The following NELL1 variants were observed in gnomAD, a reference collection of about 807,000 sequenced individuals.
The protein encoded by NELL1 is neural EGFL like 1.
NELL1 carries 76 observed loss-of-function variants against 107.4 expected under a neutral mutation model. That is an observed-to-expected ratio of 0.71 (90% CI 0.59 to 0.86). The LOEUF is 0.86. NELL1 is among the 40% of genes least tolerant of loss of function. The pLI is 0.00. For missense variants in NELL1, 1,024 were observed against 1,005.5 expected (o/e 1.02, Z -0.25); for synonymous variants, 353 against 341.2 (o/e 1.03, Z -0.38).
chr11:21,196,923 G>C (rs1382831594), intron 13 of NELL1, among the ~76,000 whole-genome samples: 1 of 147,050 alleles, frequency 6.8e-6, no homozygotes, highest in Non-Finnish European at 1.5e-5. Flanking sequence ...CCAAGCTGGA[G>C]TGTAGTGGTG....
At chr11:21,255,492 A>G (rs1858745405) in intron 14 of NELL1, among the ~76,000 whole-genome samples, 1 of 151,954 alleles carries the variant, frequency 6.6e-6, no homozygotes, top group Admixed American at 6.6e-5. Context: ...TTAGAATGCA[A>G]TTTGGCAAGA....
intron 12 of NELL1, among the ~76,000 whole-genome samples, chr11:20,990,407 C>T (rs1374070870): frequency 6.6e-6 from 1 of 152,222 alleles, no homozygotes; most frequent in Admixed American, 6.5e-5. Flanking sequence ...TTACCTTTCA[C>T]AGTGCCCACT....
intron 2 of NELL1, among the ~76,000 whole-genome samples, chr11:20,712,915 G>T (rs1055191856): frequency 6.6e-6 from 1 of 152,200 alleles, no homozygotes; most frequent in Admixed American, 6.5e-5. Context: ...GGAGTCCTTG[G>T]TTGTAAATAT....
At chr11:20,736,381 G>A (rs1410312302) in intron 2 of NELL1, among the ~76,000 whole-genome samples, 1 of 152,146 alleles carries the variant, frequency 6.6e-6, no homozygotes, top group Non-Finnish European at 1.5e-5. Flanking sequence ...CAACCTGTCA[G>A]TGCACAAGTG....
At chr11:21,296,097 C>T (rs1367298196) in intron 14 of NELL1, among the ~76,000 whole-genome samples, 1 of 151,942 alleles carries the variant, frequency 6.6e-6, no homozygotes, top group Non-Finnish European at 1.5e-5. Flanking sequence ...TATGTCTAAA[C>T]ACAAGGTTAC....
chr11:20,713,607 A>G (rs1185746953), intron 2 of NELL1, among the ~76,000 whole-genome samples: 1 of 151,974 alleles, frequency 6.6e-6, no homozygotes, highest in Non-Finnish European at 1.5e-5. Flanking sequence ...CTGTCTGCCC[A>G]CATTGTGGTC....
intron 13 of NELL1, among the ~76,000 whole-genome samples, chr11:21,116,492 A>G (rs1336099832): frequency 6.6e-6 from 1 of 152,042 alleles, no homozygotes; most frequent in African/African-American, 2.4e-5. Context: ...TCAACTTGAC[A>G]TGTACACATA....
chr11:21,186,680 T>C (rs1215497528), intron 13 of NELL1, among the ~76,000 whole-genome samples: 3 of 151,864 alleles, frequency 2.0e-5, no homozygotes, highest in African/African-American at 7.3e-5. Flanking sequence ...TCAACATTAA[T>C]GTTATTTACT....
chr11:21,304,644 A>G (rs935524205), intron 14 of NELL1, among the ~76,000 whole-genome samples: 4 of 151,300 alleles, frequency 2.6e-5, no homozygotes, highest in Admixed American at 2.0e-4. Flanking sequence ...TAGAGCTTAT[A>G]TTTTCCTGAC....
At chr11:20,867,626 T>C (rs1264880017) in intron 4 of NELL1, among the ~76,000 whole-genome samples, 1 of 152,202 alleles carries the variant, frequency 6.6e-6, no homozygotes, top group East Asian at 1.9e-4. Context: ...TTATTATTAG[T>C]TTGCATAGAG....
intron 12 of NELL1, among the ~76,000 whole-genome samples, chr11:20,991,995 A>C (rs1369419799): frequency 1.3e-5 from 2 of 150,874 alleles, no homozygotes; most frequent in Non-Finnish European, 3.0e-5. Context: ...AGCATGCAAA[A>C]AAAAAAAAAA....
At chr11:20,883,805 C>G (rs1419345230) in intron 4 of NELL1, among the ~76,000 whole-genome samples, 2 of 152,130 alleles carry the variant, frequency 1.3e-5, no homozygotes, top group African/African-American at 2.4e-5. Context: ...TGATCTATAA[C>G]TTATGCATAT....
intron 15 of NELL1, among the ~76,000 whole-genome samples, chr11:21,506,065 A>G (rs1270718813): frequency 1.3e-5 from 2 of 152,244 alleles, no homozygotes; most frequent in Non-Finnish European, 2.9e-5. Flanking sequence ...GATTTAAAAA[A>G]TCATTCTAGT....
At chr11:21,370,616 C>T (rs776811837) in intron 14 of NELL1, among the ~76,000 whole-genome samples, 6 of 152,046 alleles carry the variant, frequency 3.9e-5, no homozygotes, top group Non-Finnish European at 7.4e-5. Flanking sequence ...TACCATTTAG[C>T]GCATGCCAGC....
intron 9 of NELL1, among the ~76,000 whole-genome samples, chr11:20,933,067 G>C (rs904632947): frequency 6.6e-6 from 1 of 152,224 alleles, no homozygotes; most frequent in Non-Finnish European, 1.5e-5. Context: ...TGTTGGTTTT[G>C]GTACTGCAAT....
chr11:21,295,532 A>G (rs1399787346), intron 14 of NELL1, among the ~76,000 whole-genome samples: 2 of 152,096 alleles, frequency 1.3e-5, no homozygotes, highest in East Asian at 3.9e-4. Flanking sequence ...AGTAGACACA[A>G]AGAATTTTGC....
chr11:21,017,963 C>T (rs963720278), intron 12 of NELL1, among the ~76,000 whole-genome samples: 16 of 152,028 alleles, frequency 1.1e-4, no homozygotes, highest in African/African-American at 3.6e-4. Flanking sequence ...CCAAAACTTG[C>T]TCTAGTATTT....
At chr11:20,911,172 T>A (rs1850123743) in intron 5 of NELL1, among the ~76,000 whole-genome samples, 1 of 152,222 alleles carries the variant, frequency 6.6e-6, no homozygotes, top group Non-Finnish European at 1.5e-5. Flanking sequence ...CTCAAATACC[T>A]GGTACAGACA....
At chr11:20,699,474 C>T (rs547478030) in intron 2 of NELL1, among the ~76,000 whole-genome samples, 41 of 152,164 alleles carry the variant, frequency 2.7e-4, no homozygotes, top group African/African-American at 9.6e-4. Context: ...GACTCCTCTG[C>T]CTTAGCCTCC....
Sources: gnomAD v4.1 joint callset for allele counts (sites outside exome capture counted in the v4.1 genomes callset) on GRCh38, gnomAD v4.1.1 for gene constraint, MANE v1.5 for transcripts, NCBI Gene and HGNC (gene_info 2026-07-23, HGNC 2026-07-21) for gene names.